C4orf17: variants seen among roughly 807,000 people sequenced by gnomAD.
C4orf17 encodes uncharacterized protein C4orf17.
A neutral mutation model predicts 32.0 loss-of-function variants in C4orf17; 25 were observed. The observed-to-expected ratio is 0.78, with a 90% CI of 0.57 to 1.09. C4orf17 has a LOEUF of 1.09. Among genes scored for constraint, C4orf17 ranks in the 50% least tolerant of loss-of-function variants. The pLI is 0.00. For missense variants in C4orf17, 420 were observed against 420.0 expected (o/e 1.00, Z 0.00); for synonymous variants, 149 against 145.8 (o/e 1.02, Z -0.16).
intron 2 of C4orf17, among the ~76,000 whole-genome samples, chr4:99,521,213 G>T (rs992019493): frequency 6.6e-6 from 1 of 151,848 alleles, no homozygotes; most frequent in Non-Finnish European, 1.5e-5. Context: ...CTCTACCAAA[G>T]ATACAAAAAA....
chr4:99,512,956 C>T (rs1695330821), intron 1 of C4orf17, 33 bp from the exon 2 acceptor site: 2 of 918,648 alleles, frequency 2.2e-6, no homozygotes, highest in South Asian at 1.7e-5. Context: ...ACAAGAAACT[C>T]TTGTCAGAAT....
intron 2 of C4orf17, among the ~76,000 whole-genome samples, chr4:99,518,518 A>AATATATATATATATAT (rs1323508832): frequency 5.9e-5 from 1 of 16,830 alleles, no homozygotes; most frequent in Non-Finnish European, 9.0e-5. Flanking sequence ...AAAAAAAAAA[A>AATATATATATATATAT]ATATATATAT....
At position 99,529,859 on chromosome 4, in the gene C4orf17, C is replaced by G; in HGVS notation, c.447C>G (p.Cys149Trp). 6.2e-7 allele frequency: 1 copy of G among 1,613,064 alleles called. No homozygotes were observed. Among genetic ancestry groups the G allele is most frequent in the Non-Finnish European group, 8.5e-7 (1 of 1,179,394 alleles). The change falls in exon 5 of 9, where the codon TGC becomes TGG. Residue 149 changes from cysteine (C) to tryptophan (W), a missense_variant. Cys to Trp is a radical substitution (Grantham distance 215). Coordinates refer to ENST00000326581, the MANE Select transcript of C4orf17 (RefSeq NM_032149.3). ...GACCACCATCACCTCCAAAGGCATG[C>G]TCTACTCCTGGCTCCTGTTCTTCAG... ...AKRPPSPPKACSTPGSCSSGM... is the reference protein window; with the variant it reads ...AKRPPSPPKAWSTPGSCSSGM...
At position 99,539,234 on chromosome 4, in the gene C4orf17, A is replaced by C. The variant is rs745595696; in HGVS notation, c.700A>C (p.Asn234His). The C allele has an allele frequency of 3.1e-6, 5 of 1,614,120 alleles. No individual in the cohort carries two copies. Among genetic ancestry groups the C allele is most frequent in the Non-Finnish European group, 4.2e-6 (5 of 1,179,974 alleles). The change falls in exon 7 of 9, where the codon AAC becomes CAC. Residue 234 changes from asparagine (N) to histidine (H), a missense_variant. Physicochemically the swap from Asn to His is moderately conservative, Grantham distance 68. Coordinates refer to ENST00000326581, the MANE Select transcript of C4orf17 (RefSeq NM_032149.3). ...EINLLTHHRR[N>H]TSMEPAAETG... ...AAACCTGTTAACTCATCACAGAAGA[A>C]ACACCTCAATGGAACCAGCAGCAGA...
intron 8 of C4orf17, chr4:99,541,250 C>A: frequency 6.6e-6 from 1 of 152,364 alleles, no homozygotes; most frequent in Non-Finnish European, 1.5e-5. Flanking sequence ...TCCTAACAGC[C>A]AATAATAAGT....
chr4:99,512,155 C>T (rs1723103103), intron 1 of C4orf17, among the ~76,000 whole-genome samples: 1 of 152,102 alleles, frequency 6.6e-6, no homozygotes, highest in Non-Finnish European at 1.5e-5. Flanking sequence ...AAAGTCTCTG[C>T]CATGGTTATA....
intron 2 of C4orf17, among the ~76,000 whole-genome samples, chr4:99,515,019 A>G (rs920023091): frequency 6.6e-6 from 1 of 152,176 alleles, no homozygotes; most frequent in Non-Finnish European, 1.5e-5. Context: ...ACCAAAGATC[A>G]TATGTTCTCA....
At chr4:99,531,421 A>G (rs1723474642) in intron 5 of C4orf17, among the ~76,000 whole-genome samples, 1 of 152,140 alleles carries the variant, frequency 6.6e-6, no homozygotes, top group South Asian at 2.1e-4. Flanking sequence ...AATAATCCAT[A>G]AAATGAATGC....
At chr4:99,529,713 C>T (rs529127629) in intron 4 of C4orf17, 102 bp from the exon 5 acceptor site, 7 of 937,506 alleles carry the variant, frequency 7.5e-6, no homozygotes, top group Non-Finnish European at 1.1e-5. Flanking sequence ...TCATGTATCT[C>T]TCTTATTAGG....
intron 5 of C4orf17, among the ~76,000 whole-genome samples, chr4:99,530,499 G>A (rs554297434): frequency 5.3e-5 from 8 of 151,550 alleles, no homozygotes; most frequent in African/African-American, 9.7e-5. Flanking sequence ...TCAAGAATAC[G>A]TCAGTCAGCT....
chr4:99,525,418 GT>G (rs1723370828), intron 4 of C4orf17, among the ~76,000 whole-genome samples: 2 of 152,104 alleles, frequency 1.3e-5, no homozygotes, highest in African/African-American at 4.8e-5. Flanking sequence ...TCCTCATGAT[GT>G]TGACATCTTT....
At chr4:99,512,100 C>A (rs1409777403) in intron 1 of C4orf17, among the ~76,000 whole-genome samples, 2 of 152,120 alleles carry the variant, frequency 1.3e-5, no homozygotes, top group Non-Finnish European at 2.9e-5. Flanking sequence ...AGATCAATTT[C>A]TAGAACATGA....
intron 4 of C4orf17, 150 bp downstream of exon 4, chr4:99,524,735 A>G: frequency 1.9e-6 from 1 of 536,352 alleles, no homozygotes; most frequent in Admixed American, 3.7e-5. Flanking sequence ...AGATACACAT[A>G]TTCAAAATGC....
chr4:99,538,956 T>C (rs1723608135), intron 6 of C4orf17, among the ~76,000 whole-genome samples: 1 of 152,212 alleles, frequency 6.6e-6, no homozygotes, highest in Non-Finnish European at 1.5e-5. Flanking sequence ...AGTTAACTAC[T>C]CTGGGCACTC....
At chr4:99,534,760 C>G (rs1433987654) in intron 5 of C4orf17, among the ~76,000 whole-genome samples, 1 of 152,052 alleles carries the variant, frequency 6.6e-6, no homozygotes, top group African/African-American at 2.4e-5. Flanking sequence ...GTTAGTATTG[C>G]TATGTGTGAA....
intron 2 of C4orf17, among the ~76,000 whole-genome samples, chr4:99,517,163 G>T (rs1165580131): frequency 6.6e-6 from 1 of 152,164 alleles, no homozygotes; most frequent in Non-Finnish European, 1.5e-5. Context: ...ATGCCACTCT[G>T]ACTTCTTTCC....
chr4:99,536,110 C>T (rs1023644932), intron 5 of C4orf17: 1 of 358,046 alleles, frequency 2.8e-6, no homozygotes, highest in Non-Finnish European at 5.4e-6. Context: ...GGATCTCCAT[C>T]CTAGGGGGGT....
chr4:99,533,059 A>G (rs1158229965), intron 5 of C4orf17, among the ~76,000 whole-genome samples: 1 of 152,202 alleles, frequency 6.6e-6, no homozygotes, highest in East Asian at 1.9e-4. Context: ...GTGGCAAGAG[A>G]TGGGGCTGGA....
chr4:99,527,953 A>G (rs1394579326), intron 4 of C4orf17, among the ~76,000 whole-genome samples: 3 of 152,020 alleles, frequency 2.0e-5, no homozygotes, highest in Admixed American at 6.6e-5. Flanking sequence ...TTATGAAGTT[A>G]CTCTCTTCAT....
Sources: gnomAD v4.1 joint callset for allele counts (sites outside exome capture counted in the v4.1 genomes callset) on GRCh38, gnomAD v4.1.1 for gene constraint, MANE v1.5 for transcripts, NCBI Gene and HGNC (gene_info 2026-07-23, HGNC 2026-07-21) for gene names.